USP43: variants seen among roughly 807,000 people sequenced by gnomAD.
The protein encoded by USP43 is ubiquitin carboxyl-terminal hydrolase 43.
USP43 carries 33 observed loss-of-function variants against 90.7 expected under a neutral mutation model. The ratio of observed to expected loss-of-function variants is 0.36; its 90% CI spans 0.28 to 0.49. USP43 has a LOEUF of 0.49. Ranked by LOEUF, USP43 falls within the 20% of genes least tolerant of loss-of-function variation. The probability of loss-of-function intolerance (pLI) is 0.98; values close to 1 mark genes in which losing one functional copy is unlikely to be tolerated. For missense variants in USP43, 1,274 were observed against 1,476.4 expected (o/e 0.86, Z 2.25); for synonymous variants, 598 against 615.8 (o/e 0.97, Z 0.43).
chr17:9,706,203 A>G (rs982282292), intron 12 of USP43, among the ~76,000 whole-genome samples: 15 of 152,122 alleles, frequency 9.9e-5, no homozygotes, highest in African/African-American at 3.6e-4. Context: ...TCTTTTTCCC[A>G]TCAATTTCTA....
intron 10 of USP43, 106 bp downstream of exon 10, chr17:9,700,355 A>C: frequency 9.1e-7 from 1 of 1,102,854 alleles, no homozygotes; most frequent in South Asian, 1.5e-5. Context: ...CAGGGTGCAC[A>C]CATCTTTGAG....
intron 2 of USP43, among the ~76,000 whole-genome samples, chr17:9,662,525 G>A (rs533949052): frequency 3.4e-4 from 52 of 152,270 alleles, no homozygotes; most frequent in African/African-American, 1.2e-3. Flanking sequence ...GGGCCGAGTG[G>A]TGAGCTACGT....
At chr17:9,688,048 T>G (rs1056116500) in intron 8 of USP43, among the ~76,000 whole-genome samples, 5 of 152,110 alleles carry the variant, frequency 3.3e-5, no homozygotes, top group Non-Finnish European at 5.9e-5. Context: ...TGCAGTGGCG[T>G]GATCTCGGCT....
At chr17:9,665,560 C>G (rs1912986729) in intron 2 of USP43, among the ~76,000 whole-genome samples, 1 of 152,134 alleles carries the variant, frequency 6.6e-6, no homozygotes, top group Non-Finnish European at 1.5e-5. Context: ...CCAATCACCT[C>G]CCACCAGGTC....
At chr17:9,717,479 A>T (rs2151998839) in intron 14 of USP43, among the ~76,000 whole-genome samples, 1 of 152,070 alleles carries the variant, frequency 6.6e-6, no homozygotes, top group South Asian at 2.1e-4. Flanking sequence ...TAAAAATGTC[A>T]TTTTGTTCAG....
At chr17:9,727,861 C>A in intron 14 of USP43, 93 bp from the exon 15 acceptor site, 1 of 1,392,524 alleles carries the variant, frequency 7.2e-7, no homozygotes. Flanking sequence ...CAGCACAGTG[C>A]CTCCCACATC....
intron 9 of USP43, among the ~76,000 whole-genome samples, chr17:9,697,945 A>G (rs1221857905): frequency 1.3e-5 from 2 of 152,226 alleles, no homozygotes; most frequent in African/African-American, 4.8e-5. Context: ...ACTAATTTAC[A>G]TTCCAACCAA....
rs1233623252 is a variant in USP43, at chr17:9,719,819, C to T, written c.2335+7687C>T. 2.0e-5 allele frequency among the ~76,000 whole-genome samples: 3 copies of T among 152,226 alleles called. No homozygotes were observed. The East Asian group carries it at 5.8e-4, about 29-fold the overall frequency. On this transcript the variant is annotated intron_variant, in intron 14 of 14. Coordinates refer to ENST00000285199, the MANE Select transcript of USP43 (RefSeq NM_153210.5). ...TGGTGGCTCATGCCTGTAATCCCAG[C>T]ACTTTGGGAGGCCGAGGCAGGTGGA...
intron 1 of USP43, among the ~76,000 whole-genome samples, chr17:9,649,068 A>G (rs1314355461): frequency 4.6e-5 from 7 of 151,506 alleles, no homozygotes; most frequent in Non-Finnish European, 8.8e-5. Context: ...ATAGCTCACT[A>G]CAGTTTTCAA....
intron 1 of USP43, among the ~76,000 whole-genome samples, chr17:9,649,262 G>A (rs891665071): frequency 6.6e-6 from 1 of 152,226 alleles, no homozygotes; most frequent in East Asian, 1.9e-4. Context: ...AGCCGAGATC[G>A]TGCCACTGTA....
intron 14 of USP43, 29 bp downstream of exon 14, chr17:9,712,161 T>C: frequency 1.3e-6 from 2 of 1,524,282 alleles, no homozygotes; most frequent in Non-Finnish European, 1.8e-6. Context: ...CTTGGTTGAT[T>C]TTCATTTTCT....
At chr17:9,675,250 G>A (rs779212398) in intron 4 of USP43, among the ~76,000 whole-genome samples, 39 of 152,178 alleles carry the variant, frequency 2.6e-4, no homozygotes, top group Admixed American at 2.2e-3. Context: ...AAGCTGGCAC[G>A]GACCCATTGG....
intron 6 of USP43, among the ~76,000 whole-genome samples, chr17:9,681,937 G>A (rs570890470): frequency 2.6e-5 from 4 of 152,196 alleles, no homozygotes; most frequent in Non-Finnish European, 4.4e-5. Context: ...ACAGGGAGAT[G>A]CTGGGCATTG....
At chr17:9,680,176 A>G (rs1461138351) in intron 5 of USP43, 55 bp from the exon 6 acceptor site, 4 of 1,593,300 alleles carry the variant, frequency 2.5e-6, no homozygotes, top group Non-Finnish European at 3.4e-6. Context: ...TAGATTTCTT[A>G]TCTGTTGATT....
intron 14 of USP43, among the ~76,000 whole-genome samples, chr17:9,716,791 C>G (rs1401494393): frequency 1.3e-5 from 2 of 152,144 alleles, no homozygotes; most frequent in Non-Finnish European, 2.9e-5. Context: ...TGTCATGAAG[C>G]TATCTGCAAT....
At chr17:9,668,793 CTTG>C (rs1358468028) in intron 3 of USP43, among the ~76,000 whole-genome samples, 1 of 152,122 alleles carries the variant, frequency 6.6e-6, no homozygotes, top group Non-Finnish European at 1.5e-5. Flanking sequence ...GGTCACCAGC[CTTG>C]AAAGCTATTG....
chr17:9,706,827 T>C (rs1234488908), intron 12 of USP43, among the ~76,000 whole-genome samples: 1 of 151,822 alleles, frequency 6.6e-6, no homozygotes, highest in Admixed American at 6.6e-5. Context: ...GTATTTTTAG[T>C]AGAGACGGGG....
chr17:9,660,901 G>A (rs145173241), intron 2 of USP43, among the ~76,000 whole-genome samples: 165 of 152,346 alleles, frequency 1.1e-3, no homozygotes, highest in African/African-American at 3.8e-3. Context: ...GGCTGCCTGC[G>A]GAGGCCCGGC....
intron 3 of USP43, among the ~76,000 whole-genome samples, chr17:9,673,484 G>A (rs566643361): frequency 4.2e-4 from 64 of 152,276 alleles, no homozygotes; most frequent in Non-Finnish European, 7.3e-4. Context: ...ACTCTAGCCC[G>A]GGTGACAGTG....
Sources: allele counts gnomAD v4.1 joint callset (sites outside exome capture counted in the v4.1 genomes callset), GRCh38; gene constraint gnomAD v4.1.1; transcripts MANE v1.5; gene names NCBI Gene and HGNC (gene_info 2026-07-23, HGNC 2026-07-21).